CDC14A: variants seen among roughly 807,000 people sequenced by gnomAD.
CDC14A encodes cell division cycle 14A, also known as dual specificity protein phosphatase CDC14A.
In CDC14A, 53 loss-of-function variants were observed where a neutral mutation model predicts 74.4. The ratio of observed to expected loss-of-function variants is 0.71; its 90% CI spans 0.57 to 0.89. The LOEUF (loss-of-function observed/expected upper bound fraction) is 0.89, where lower values mean the gene tolerates loss of function less well. Among genes scored for constraint, CDC14A ranks in the 40% least tolerant of loss-of-function variants. The pLI, the probability that CDC14A is intolerant of heterozygous loss-of-function variation, is 0.00. For missense variants in CDC14A, 646 were observed against 713.7 expected (o/e 0.91, Z 1.08); for synonymous variants, 247 against 258.4 (o/e 0.96, Z 0.43).
chr1:100,359,196 C>T (rs913628463), intron 2 of CDC14A, among the ~76,000 whole-genome samples: 5 of 152,198 alleles, frequency 3.3e-5, no homozygotes, highest in African/African-American at 1.2e-4. Flanking sequence ...AGCCCTGTGC[C>T]AGGCAGTGTT....
At chr1:100,498,834 C>A in intron 14 of CDC14A, 95 bp from the exon 15 acceptor site, 1 of 1,457,300 alleles carries the variant, frequency 6.9e-7, no homozygotes, top group Non-Finnish European at 9.1e-7. Flanking sequence ...ATCATGTTCC[C>A]CTAATGTCAT....
upstream of CDC14A, among the ~76,000 whole-genome samples, chr1:100,347,544 C>A (rs1650531758): frequency 6.6e-6 from 1 of 152,194 alleles, no homozygotes; most frequent in African/African-American, 2.4e-5. Flanking sequence ...CATTTGCGGG[C>A]AGACTTCTGG....
At chr1:100,345,065 G>A (rs946657455) in exon 1 of CDC14A, 1 of 152,140 alleles carries the variant, frequency 6.6e-6, no homozygotes. Context: ...GCCTGAATGG[G>A]GTTGTTGGCC....
At chr1:100,428,033 G>A (rs774056887) in intron 5 of CDC14A, among the ~76,000 whole-genome samples, 11 of 152,110 alleles carry the variant, frequency 7.2e-5, no homozygotes, top group Non-Finnish European at 1.6e-4. Flanking sequence ...TTGTATAATG[G>A]TATGTTAGGT....
intron 4 of CDC14A, among the ~76,000 whole-genome samples, chr1:100,422,059 A>G (rs536641619): frequency 6.6e-6 from 1 of 152,326 alleles, no homozygotes; most frequent in South Asian, 2.1e-4. Flanking sequence ...AAGATGCCCC[A>G]AGAATCTTCC....
At chr1:100,459,048 T>C (rs1557781618) in intron 8 of CDC14A, among the ~76,000 whole-genome samples, 1 of 150,398 alleles carries the variant, frequency 6.6e-6, no homozygotes, top group Non-Finnish European at 1.5e-5. Context: ...TCTGTAAAAA[T>C]GTCTCTTAAG....
chr1:100,479,083 C>T (rs1212705721), intron 10 of CDC14A, among the ~76,000 whole-genome samples: 3 of 152,196 alleles, frequency 2.0e-5, no homozygotes, highest in East Asian at 1.9e-4. Context: ...AATAGTATTT[C>T]GTAAGTTTCA....
chr1:100,441,797 C>T (rs2101129534), intron 6 of CDC14A, among the ~76,000 whole-genome samples: 1 of 152,202 alleles, frequency 6.6e-6, no homozygotes, highest in Non-Finnish European at 1.5e-5. Context: ...GGGCCCCAAC[C>T]ACAGCAAATA....
intron 11 of CDC14A, among the ~76,000 whole-genome samples, chr1:100,494,192 T>C (rs574777209): frequency 6.6e-6 from 1 of 152,266 alleles, no homozygotes; most frequent in South Asian, 2.1e-4. Flanking sequence ...TACCAGTGCC[T>C]CCCCCTGCAT....
chr1:100,368,707 C>T (rs1049474256), intron 2 of CDC14A, among the ~76,000 whole-genome samples: 1 of 152,160 alleles, frequency 6.6e-6, no homozygotes, highest in South Asian at 2.1e-4. Flanking sequence ...GAGCATAGTT[C>T]CCAATAGTTA....
chr1:100,503,865 G>C (rs909167184), intron 15 of CDC14A, among the ~76,000 whole-genome samples: 1 of 152,174 alleles, frequency 6.6e-6, no homozygotes, highest in Admixed American at 6.5e-5. Flanking sequence ...TTGAATATTT[G>C]CTATGCTTTA....
chr1:100,409,682 A>G (rs1212666645), intron 4 of CDC14A, among the ~76,000 whole-genome samples: 2 of 152,220 alleles, frequency 1.3e-5, no homozygotes, highest in Non-Finnish European at 2.9e-5. Context: ...CTTTGATTCC[A>G]TATCTCACAT....
rs1047614889 is a variant in CDC14A at position 100,444,193 on chromosome 1, G to A, written c.519+1197G>A. Among the ~76,000 whole-genome samples the A allele has an allele frequency of 2.5e-4, 38 of 152,088 alleles. 1 individual carries two copies. Among genetic ancestry groups the A allele is most frequent in the Admixed American group, 1.2e-3 (18 of 15,278 alleles). ...TTCCTCCCTAACCTAGTGAGTATTC[G>A]GATCACTTCTACTGGTGCCACAGGA... On this transcript the variant is annotated intron_variant, in intron 7 of 15. Coordinates refer to ENST00000336454, the MANE Select transcript of CDC14A (RefSeq NM_003672.4).
chr1:100,513,652 A>G (rs1649967535), intron 15 of CDC14A, among the ~76,000 whole-genome samples: 1 of 152,192 alleles, frequency 6.6e-6, no homozygotes, highest in South Asian at 2.1e-4. Flanking sequence ...TTTATTAACC[A>G]TCTGTACAAT....
At chr1:100,367,249 C>T (rs1031619006) in intron 2 of CDC14A, among the ~76,000 whole-genome samples, 1 of 152,156 alleles carries the variant, frequency 6.6e-6, no homozygotes, top group African/African-American at 2.4e-5. Flanking sequence ...CCAAGCTGCC[C>T]AAATAAATCT....
intron 15 of CDC14A, among the ~76,000 whole-genome samples, chr1:100,504,380 G>A (rs963305702): frequency 4.6e-5 from 7 of 152,072 alleles, no homozygotes; most frequent in Non-Finnish European, 8.8e-5. Context: ...TGTTGTGTTT[G>A]AGTCTTTGAT....
chr1:100,436,469 G>T (rs1664355113), intron 5 of CDC14A, among the ~76,000 whole-genome samples: 2 of 151,828 alleles, frequency 1.3e-5, no homozygotes, highest in African/African-American at 4.8e-5. Context: ...CTGTTGCCCA[G>T]ACTGGAGTGT....
chr1:100,511,032 C>T (rs1307081192), intron 15 of CDC14A, among the ~76,000 whole-genome samples: 1 of 152,218 alleles, frequency 6.6e-6, no homozygotes, highest in Admixed American at 6.5e-5. Context: ...TTTCTTCCTT[C>T]CCTTTTAATT....
chr1:100,487,280 C>T (rs1405180978), intron 11 of CDC14A, among the ~76,000 whole-genome samples: 5 of 152,108 alleles, frequency 3.3e-5, no homozygotes, highest in Non-Finnish European at 7.4e-5. Context: ...TTTTTTAGGC[C>T]GGGCATGGTG....
Sources: gnomAD v4.1 joint callset for allele counts (sites outside exome capture counted in the v4.1 genomes callset) on GRCh38, gnomAD v4.1.1 for gene constraint, MANE v1.5 for transcripts, NCBI Gene and HGNC (gene_info 2026-07-23, HGNC 2026-07-21) for gene names.